AGBL4: variants seen among roughly 807,000 people sequenced by gnomAD.
AGBL4 encodes the protein AGBL carboxypeptidase 4.
AGBL4 carries 58 observed loss-of-function variants against 66.4 expected under a neutral mutation model. That is an observed-to-expected ratio of 0.87 (90% CI 0.71 to 1.09). The LOEUF (loss-of-function observed/expected upper bound fraction) is 1.09. AGBL4 is among the 50% of genes least tolerant of loss of function. The probability of loss-of-function intolerance (pLI) is 0.00; values close to 1 mark genes in which losing one functional copy is unlikely to be tolerated. For synonymous variants in AGBL4, 234 were observed against 222.9 expected (o/e 1.05, Z -0.44); for missense variants, 579 against 631.0 (o/e 0.92, Z 0.88).
chr1:49,683,576 T>C (rs1319536542), intron 3 of AGBL4, among the ~76,000 whole-genome samples: 1 of 152,154 alleles, frequency 6.6e-6, no homozygotes, highest in East Asian at 1.9e-4. Flanking sequence ...TAACATCATA[T>C]GATAACCATG....
intron 4 of AGBL4, among the ~76,000 whole-genome samples, chr1:49,065,867 A>G (rs961864151): frequency 6.6e-6 from 1 of 152,192 alleles, no homozygotes; most frequent in African/African-American, 2.4e-5. Context: ...GAGTTCTAGG[A>G]GGAATCCTAG....
intron 4 of AGBL4, among the ~76,000 whole-genome samples, chr1:49,051,155 C>T (rs1644202701): frequency 6.6e-6 from 1 of 152,028 alleles, no homozygotes; most frequent in Non-Finnish European, 1.5e-5. Flanking sequence ...CTAGTAGACA[C>T]AAGCATTTTT....
At chr1:49,153,394 A>C (rs556866803) in intron 4 of AGBL4, among the ~76,000 whole-genome samples, 9 of 152,284 alleles carry the variant, frequency 5.9e-5, no homozygotes, top group Non-Finnish European at 1.3e-4. Context: ...AATATTATTA[A>C]TAATACAATA....
chr1:49,914,443 A>T (rs909461687), intron 1 of AGBL4, among the ~76,000 whole-genome samples: 2 of 152,198 alleles, frequency 1.3e-5, no homozygotes, highest in Non-Finnish European at 2.9e-5. Context: ...TCTGAACTTC[A>T]TCAGAATAGC....
At chr1:50,007,741 A>T (rs2148430473) in intron 1 of AGBL4, among the ~76,000 whole-genome samples, 1 of 152,262 alleles carries the variant, frequency 6.6e-6, no homozygotes, top group African/African-American at 2.4e-5. Flanking sequence ...ACTCCAGCCT[A>T]GGTGACAGAG....
In AGBL4 at chr1:49,736,558, C is replaced by T. The variant is rs148449882; in HGVS notation, c.158-39121G>A. On this transcript the variant is annotated intron_variant, in intron 2 of 13. Transcript: ENST00000371839. ...TAGACAAACAAAAATTAAAACACAGCATACTAAACCTTTGGGATGCAGCAA... is the reference window on the plus strand; with the variant it reads ...TAGACAAACAAAAATTAAAACACAGTATACTAAACCTTTGGGATGCAGCAA... 7.9e-5 allele frequency among the ~76,000 whole-genome samples: 12 copies of T among 152,082 alleles called. No individual in the cohort carries two copies. In the East Asian group the frequency reaches 2.3e-3, roughly 29 times the overall value.
chr1:49,181,600 A>G (rs1399700702), intron 4 of AGBL4, among the ~76,000 whole-genome samples: 3 of 152,192 alleles, frequency 2.0e-5, no homozygotes, highest in Non-Finnish European at 4.4e-5. Flanking sequence ...GAGATAATGC[A>G]TTTAAAGCAG....
chr1:49,948,564 AATATAT>A (rs71059566), intron 1 of AGBL4, among the ~76,000 whole-genome samples: 756 of 64,584 alleles, frequency 0.012, 9 homozygotes, highest in Non-Finnish European at 0.019. Context: ...AATATATAAA[AATATAT>A]ATATATATAT....
At chr1:48,642,638 G>A (rs1295292376) in intron 8 of AGBL4, among the ~76,000 whole-genome samples, 1 of 152,132 alleles carries the variant, frequency 6.6e-6, no homozygotes, top group Non-Finnish European at 1.5e-5. Context: ...AGAGTGGAAA[G>A]TCCATTCCAG....
At chr1:49,507,933 TA>T (rs1164138498) in intron 3 of AGBL4, among the ~76,000 whole-genome samples, 1 of 151,876 alleles carries the variant, frequency 6.6e-6, no homozygotes, top group Non-Finnish European at 1.5e-5. Flanking sequence ...TTTGACTTAG[TA>T]ATACATCAAA....
At chr1:48,979,074 A>G (rs1022701481) in intron 5 of AGBL4, among the ~76,000 whole-genome samples, 5 of 152,164 alleles carry the variant, frequency 3.3e-5, no homozygotes. Flanking sequence ...TGGAAAACAT[A>G]AATGAATTCT....
chr1:49,877,092 T>A (rs1647034570), intron 1 of AGBL4, among the ~76,000 whole-genome samples: 1 of 151,710 alleles, frequency 6.6e-6, no homozygotes, highest in Non-Finnish European at 1.5e-5. Context: ...TAAACAATCA[T>A]GTCGTCTGCA....
intron 5 of AGBL4, among the ~76,000 whole-genome samples, chr1:49,022,445 T>C (rs1384662516): frequency 6.6e-6 from 1 of 152,034 alleles, no homozygotes; most frequent in Non-Finnish European, 1.5e-5. Flanking sequence ...TTGACAAACA[T>C]TTTTTTGAGA....
chr1:48,665,851 T>A (rs1272361595), intron 6 of AGBL4, among the ~76,000 whole-genome samples: 1 of 152,230 alleles, frequency 6.6e-6, no homozygotes, highest in South Asian at 2.1e-4. Flanking sequence ...AAATGATAAA[T>A]GGCACTAAGG....
At chr1:49,405,300 TC>T (rs1047362671) in intron 3 of AGBL4, among the ~76,000 whole-genome samples, 3 of 152,194 alleles carry the variant, frequency 2.0e-5, no homozygotes, top group African/African-American at 7.2e-5. Flanking sequence ...TTTCTCTAGT[TC>T]TGTCTAAGGC....
chr1:48,824,408 G>A (rs759751561), intron 6 of AGBL4, among the ~76,000 whole-genome samples: 2 of 152,220 alleles, frequency 1.3e-5, no homozygotes, highest in African/African-American at 2.4e-5. Flanking sequence ...AGGTTAGGAA[G>A]AGCAGTAAGA....
intron 2 of AGBL4, among the ~76,000 whole-genome samples, chr1:49,819,511 G>C (rs575258003): frequency 1.9e-4 from 29 of 152,130 alleles, no homozygotes; most frequent in African/African-American, 6.3e-4. Flanking sequence ...TTTTTCCCAA[G>C]ACCACATAGA....
At chr1:48,647,210 A>T (rs1440964357) in intron 8 of AGBL4, among the ~76,000 whole-genome samples, 1 of 152,228 alleles carries the variant, frequency 6.6e-6, no homozygotes, top group African/African-American at 2.4e-5. Context: ...GCTATAACGC[A>T]GAATCATTTC....
chr1:48,758,683 A>C (rs1186404209), intron 6 of AGBL4, among the ~76,000 whole-genome samples: 2 of 152,198 alleles, frequency 1.3e-5, no homozygotes, highest in African/African-American at 4.8e-5. Context: ...CATGTTCGCC[A>C]ATGTTCCCAT....
Sources: allele counts gnomAD v4.1 joint callset (sites outside exome capture counted in the v4.1 genomes callset), GRCh38; gene constraint gnomAD v4.1.1; transcripts MANE v1.5; gene names NCBI Gene and HGNC (gene_info 2026-07-23, HGNC 2026-07-21).